Variants in CAMK4 observed in about 807,000 individuals in gnomAD.
CAMK4 encodes calcium/calmodulin dependent protein kinase IV.
CAMK4 carries 22 observed loss-of-function variants against 44.9 expected under a neutral mutation model. That is an observed-to-expected ratio of 0.49 (90% CI 0.35 to 0.70). The LOEUF is 0.70. Ranked by LOEUF, CAMK4 falls within the 30% of genes least tolerant of loss-of-function variation. CAMK4 has a pLI of 0.01. For missense variants in CAMK4, 498 were observed against 586.8 expected, an observed-to-expected ratio of 0.85 and a Z score of 1.56; for synonymous variants, 218 against 215.4, an observed-to-expected ratio of 1.01 and a Z score of -0.11.
chr5:111,242,295 G>A (rs974931316), intron 1 of CAMK4, among the ~76,000 whole-genome samples: 1 of 151,742 alleles, frequency 6.6e-6, no homozygotes, highest in Non-Finnish European at 1.5e-5. Flanking sequence ...TCTTTGAAGG[G>A]GTATAATAAT....
intron 6 of CAMK4, among the ~76,000 whole-genome samples, chr5:111,446,996 G>A (rs1325717466): frequency 6.6e-6 from 1 of 152,116 alleles, no homozygotes; most frequent in Non-Finnish European, 1.5e-5. Flanking sequence ...TTCTGTTGCT[G>A]GGCACACAAA....
intron 5 of CAMK4, among the ~76,000 whole-genome samples, chr5:111,402,931 C>T (rs1752283974): frequency 1.3e-5 from 2 of 152,160 alleles, no homozygotes; most frequent in African/African-American, 2.4e-5. Flanking sequence ...AGGATAAATA[C>T]AGTTTCTCAA....
At chr5:111,407,293 G>A (rs1300541591) in intron 5 of CAMK4, among the ~76,000 whole-genome samples, 3 of 151,028 alleles carry the variant, frequency 2.0e-5, no homozygotes, top group Non-Finnish European at 4.4e-5. Flanking sequence ...GGAGGTTGCA[G>A]TAAGCTGAGA....
chr5:111,319,936 G>T (rs1179384753), intron 1 of CAMK4, among the ~76,000 whole-genome samples: 1 of 152,108 alleles, frequency 6.6e-6, no homozygotes, highest in Non-Finnish European at 1.5e-5. Context: ...GTCTAGATAG[G>T]CATGTATGTG....
chr5:111,418,689 G>A (rs983539132), intron 5 of CAMK4, among the ~76,000 whole-genome samples: 10 of 151,102 alleles, frequency 6.6e-5, no homozygotes, highest in Non-Finnish European at 1.2e-4. Context: ...GAGAACATGC[G>A]GTGTTTGGTT....
At chr5:111,307,953 A>G (rs1747996660) in intron 1 of CAMK4, among the ~76,000 whole-genome samples, 1 of 77,054 alleles carries the variant, frequency 1.3e-5, no homozygotes, top group Admixed American at 1.7e-4. Flanking sequence ...CTTTTTAGGG[A>G]CATGGATGAA....
At chr5:111,231,698 T>C (rs890370436) in intron 1 of CAMK4, among the ~76,000 whole-genome samples, 1 of 145,080 alleles carries the variant, frequency 6.9e-6, no homozygotes, top group Non-Finnish European at 1.6e-5. Context: ...GCTTAATATT[T>C]TTATTTAAAT....
At chr5:111,372,447 T>A (rs1323576572) in intron 2 of CAMK4, among the ~76,000 whole-genome samples, 1 of 152,122 alleles carries the variant, frequency 6.6e-6, no homozygotes, top group Non-Finnish European at 1.5e-5. Flanking sequence ...AGAGAGAGCA[T>A]CTCTCTTATC....
intron 7 of CAMK4, among the ~76,000 whole-genome samples, chr5:111,456,067 T>C (rs963585880): frequency 6.6e-6 from 1 of 152,188 alleles, no homozygotes; most frequent in Non-Finnish European, 1.5e-5. Flanking sequence ...AATGTATCAA[T>C]TCCTTTTATT....
chr5:111,334,203 A>C (rs1023945256), intron 1 of CAMK4, among the ~76,000 whole-genome samples: 4 of 151,598 alleles, frequency 2.6e-5, no homozygotes, highest in African/African-American at 9.7e-5. Flanking sequence ...AAACCTCCAG[A>C]TCTAACGGCA....
intron 1 of CAMK4, among the ~76,000 whole-genome samples, chr5:111,320,025 A>G (rs747882197): frequency 2.0e-5 from 3 of 152,158 alleles, no homozygotes; most frequent in African/African-American, 4.8e-5. Context: ...AATAAAAAAG[A>G]ATGTGATTTA....
chr5:111,248,198 G>A (rs1276938105), intron 1 of CAMK4, among the ~76,000 whole-genome samples: 1 of 152,140 alleles, frequency 6.6e-6, no homozygotes, highest in South Asian at 2.1e-4. Context: ...CATATCTTCT[G>A]TCTTCTTCAC....
chr5:111,357,794 G>C (rs1424973859), intron 2 of CAMK4, among the ~76,000 whole-genome samples: 2 of 152,086 alleles, frequency 1.3e-5, no homozygotes, highest in Admixed American at 6.6e-5. Flanking sequence ...AACCCACACT[G>C]AATTGTTAAA....
intron 9 of CAMK4, among the ~76,000 whole-genome samples, chr5:111,480,961 A>G (rs962665938): frequency 6.6e-6 from 1 of 152,176 alleles, no homozygotes; most frequent in Admixed American, 6.5e-5. Context: ...TATACTTACT[A>G]GCAAAACCCA....
Position 111,290,948 on chromosome 5 carries a change from A to G in CAMK4, c.162-53076A>G, listed in dbSNP as rs893704841. Among the ~76,000 whole-genome samples, 4 of 152,220 alleles carry G rather than the reference A, an allele frequency of 2.6e-5. No individual in the cohort carries two copies. The highest frequency in any genetic ancestry group is 9.6e-5 in the African/African-American group (4 of 41,456). ...ATCCCATTTAAATTAAGAAAATGCC[A>G]CTTGGCTCTTTATGTTACCATGGGA... On this transcript the variant is annotated intron_variant, in intron 1 of 10. Coordinates refer to ENST00000282356, the MANE Select transcript of CAMK4 (RefSeq NM_001744.6). This position sits in a 1 kb window ranked among gnomAD's most constrained non-coding sequence, Gnocchi z 4.5.
chr5:111,318,329 T>C (rs923053885), intron 1 of CAMK4, among the ~76,000 whole-genome samples: 1 of 152,182 alleles, frequency 6.6e-6, no homozygotes, highest in Non-Finnish European at 1.5e-5. Context: ...GTCCCATAAT[T>C]TGTCAGGTAA....
chr5:111,478,106 A>AATAATTATTATTACACAATAATT lies in CAMK4; in HGVS notation c.702-261_702-239dup, dbSNP rs1225842180. Among the ~76,000 whole-genome samples the AATAATTATTATTACACAATAATT allele has an allele frequency of 3.4e-3, 521 of 151,136 alleles. 2 individuals carry two copies. Among genetic ancestry groups the AATAATTATTATTACACAATAATT allele is most frequent in the Non-Finnish European group, 6.1e-3 (412 of 67,782 alleles). On this transcript the variant is annotated intron_variant, in intron 8 of 10. Transcript: ENST00000282356. ...TCTTCTGTGTAATAAGAATTATAAT[A>AATAATTATTATTACACAATAATT]ATAATTATTATTACACAATAATTAT...
At chr5:111,379,545 C>T (rs1751338559) in intron 4 of CAMK4, among the ~76,000 whole-genome samples, 1 of 152,072 alleles carries the variant, frequency 6.6e-6, no homozygotes, top group South Asian at 2.1e-4. Context: ...CATTAAGTTA[C>T]TTAATTCTGC....
chr5:111,319,423 G>A (rs1384282648), intron 1 of CAMK4, among the ~76,000 whole-genome samples: 1 of 152,114 alleles, frequency 6.6e-6, no homozygotes. Context: ...TTTATCAGCT[G>A]TATATCATAA....
Sources: allele counts gnomAD v4.1 joint callset (sites outside exome capture counted in the v4.1 genomes callset), GRCh38; gene constraint gnomAD v4.1.1; non-coding constraint Gnocchi (gnomAD v3.1); transcripts MANE v1.5; gene names NCBI Gene and HGNC (gene_info 2026-07-23, HGNC 2026-07-21).